PKHD1: variants seen among roughly 807,000 people sequenced by gnomAD.
PKHD1 encodes the protein PKHD1 ciliary IPT domain containing fibrocystin/polyductin, also known as fibrocystin.
PKHD1 carries 291 observed loss-of-function variants against 412.0 expected under a neutral mutation model. The ratio of observed to expected loss-of-function variants is 0.71; its 90% confidence interval spans 0.64 to 0.78. The LOEUF (loss-of-function observed/expected upper bound fraction) is 0.78, where lower values mean the gene tolerates loss of function less well. Ranked by LOEUF, PKHD1 falls within the 30% of genes least tolerant of loss-of-function variation. PKHD1 has a pLI of 0.00. For missense variants in PKHD1, 4,825 were observed against 4,950.7 expected (o/e 0.97, Z 0.76); for synonymous variants, 1,777 against 1,821.5 (o/e 0.98, Z 0.62).
intron 65 of PKHD1, among the ~76,000 whole-genome samples, chr6:51,631,134 G>C (rs748689757): frequency 3.3e-5 from 5 of 152,086 alleles, no homozygotes; most frequent in Non-Finnish European, 7.4e-5. Context: ...ATGGCTACTA[G>C]GTTTAGATAC....
chr6:51,772,824 A>C (rs779670350), intron 54 of PKHD1, 35 bp from the exon 55 acceptor site: 5 of 1,203,156 alleles, frequency 4.2e-6, no homozygotes, highest in Non-Finnish European at 6.2e-6. Flanking sequence ...GGATAGAAAA[A>C]TCCTTCAGAG....
In PKHD1 at chr6:51,627,042, G is replaced by A. The variant is rs761704401; in HGVS notation, c.11740C>T (p.Arg3914Ter). Residue 3914 changes from arginine (R) to a stop codon, truncating the protein, a stop_gained, in exon 66 of 67, where the codon CGA becomes TGA. Coordinates refer to ENST00000371117, the MANE Select transcript of PKHD1 (RefSeq NM_138694.4). LOFTEE classifies it low-confidence loss of function (END_TRUNC). ...NIHIHISSKR[R>*]ESQGPKKEDT... is the part of the protein sequence containing the mutation. ...TCTTTTTTGGGCCCTTGTGATTCTC[G>A]GCGTTTGGATGAGATGTGGATATGA... 17 of 1,612,942 alleles carry A rather than the reference G, an allele frequency of 1.1e-5. No individual in the cohort carries two copies. In the East Asian group the frequency reaches 1.1e-4, roughly 11 times the overall value.
intron 52 of PKHD1, among the ~76,000 whole-genome samples, chr6:51,796,394 T>C (rs1794599729): frequency 6.6e-6 from 1 of 151,596 alleles, no homozygotes; most frequent in Admixed American, 6.6e-5. Flanking sequence ...AATCTTCTCT[T>C]TCTTCTTTAT....
chr6:51,848,680 C>T (rs539352769), intron 49 of PKHD1, among the ~76,000 whole-genome samples: 8 of 152,276 alleles, frequency 5.3e-5, no homozygotes, highest in African/African-American at 1.9e-4. Context: ...TACATCCTTT[C>T]TGAAAGCCAT....
At chr6:52,051,501 G>A (rs1373186570) in intron 21 of PKHD1, among the ~76,000 whole-genome samples, 1 of 152,146 alleles carries the variant, frequency 6.6e-6, no homozygotes, top group Non-Finnish European at 1.5e-5. Context: ...GATAAAGTGG[G>A]AGGCAGACCG....
intron 60 of PKHD1, among the ~76,000 whole-genome samples, chr6:51,714,736 G>T (rs2150782363): frequency 6.6e-6 from 1 of 152,232 alleles, no homozygotes; most frequent in African/African-American, 2.4e-5. Context: ...TACACAGGCA[G>T]AGCCAGAACT....
At chr6:52,069,129 T>G (rs1230595530) in intron 11 of PKHD1, among the ~76,000 whole-genome samples, 1 of 152,226 alleles carries the variant, frequency 6.6e-6, no homozygotes, top group East Asian at 1.9e-4. Context: ...TTAAAGTAAC[T>G]GGAAAGATGT....
chr6:51,986,267 G>A (rs1352103243), intron 35 of PKHD1, among the ~76,000 whole-genome samples: 1 of 152,186 alleles, frequency 6.6e-6, no homozygotes, highest in Non-Finnish European at 1.5e-5. Flanking sequence ...GAAATGAAGG[G>A]GAGAGGTGGG....
At chr6:51,943,961 T>C (rs1350457712) in intron 36 of PKHD1, among the ~76,000 whole-genome samples, 1 of 151,630 alleles carries the variant, frequency 6.6e-6, no homozygotes, top group Non-Finnish European at 1.5e-5. Flanking sequence ...TTATTTTTCT[T>C]ATTAATATAA....
chr6:51,978,878 G>A (rs1794786581), intron 35 of PKHD1, among the ~76,000 whole-genome samples: 1 of 152,222 alleles, frequency 6.6e-6, no homozygotes, highest in Non-Finnish European at 1.5e-5. Flanking sequence ...GAAGGAGAAA[G>A]TGTCTCAACT....
chr6:51,848,270 T>C lies in PKHD1; in HGVS notation c.7912-300A>G, dbSNP rs1202504316. Among the ~76,000 whole-genome samples, 4 of 152,178 alleles carry C rather than the reference T, an allele frequency of 2.6e-5. No homozygotes were observed. The East Asian group carries it at 7.7e-4, about 29-fold the overall frequency. The stretch of plus-strand genomic sequence containing the variant: ...AGGAGAAAGCCAAGGCCCAGACATA[T>C]GAATTGACACGTCTCAGGTCAAACA... On this transcript the variant is annotated intron_variant, in intron 49 of 66. Transcript: ENST00000371117.
At position 51,617,210 on chromosome 6, in the gene PKHD1, T is replaced by C. The variant is rs1766143868; in HGVS notation, c.*1871A>G. 1 of 152,298 alleles carries C rather than the reference T, an allele frequency of 6.6e-6. No homozygotes were observed. The highest frequency in any genetic ancestry group is 6.5e-5 in the Admixed American group (1 of 15,280). 9.4% of individuals were successfully genotyped at this position (152,298 alleles called of 1,614,324 possible). On this transcript the variant is annotated 3_prime_UTR_variant, in exon 67 of 67. Coordinates refer to ENST00000371117, the MANE Select transcript of PKHD1 (RefSeq NM_138694.4). ...TCAAAAGCCTTCACTTCTGAAATGT[T>C]TTTTTCCAAAAAGCTTACGGCTCTT...
At chr6:51,749,495 C>A (rs989194611) in intron 57 of PKHD1, among the ~76,000 whole-genome samples, 2 of 152,054 alleles carry the variant, frequency 1.3e-5, no homozygotes, top group Non-Finnish European at 2.9e-5. Flanking sequence ...TTAATAATAA[C>A]ATGATTATAG....
intron 60 of PKHD1, among the ~76,000 whole-genome samples, chr6:51,720,468 G>T (rs1355045565): frequency 6.6e-6 from 1 of 152,086 alleles, no homozygotes; most frequent in African/African-American, 2.4e-5. Flanking sequence ...CTTACTTGGG[G>T]TTTCCACACA....
rs1057516577 is a variant in PKHD1 at position 51,747,898 on chromosome 6, G to A, written c.9718C>T (p.Arg3240Ter). The change falls in exon 58 of 67, where the codon CGA (arginine) becomes TGA (stop). Residue 3240 changes from arginine (R) to a stop codon, truncating the protein, a stop_gained. Coordinates refer to ENST00000371117, the MANE Select transcript of PKHD1 (RefSeq NM_138694.4). LOFTEE classifies it high-confidence loss of function. Reference protein sequence around the residue: ...DRAPSNPRGGRIGILWPVFTS... With the variant: ...DRAPSNPRGG ...AATACAGGCCACAGAATACCAATTC[G>A]ACCTCCTCTTGGATTGGAGGGAGCT... 5.0e-6 allele frequency: 8 copies of A among 1,613,856 alleles called. No individual in the cohort carries two copies. Among genetic ancestry groups the A allele is most frequent in the Non-Finnish European group, 6.8e-6 (8 of 1,179,844 alleles).
chr6:51,737,957 A>T (rs564093131), intron 60 of PKHD1, among the ~76,000 whole-genome samples: 47 of 152,344 alleles, frequency 3.1e-4, no homozygotes, highest in Non-Finnish European at 4.6e-4. Flanking sequence ...GTAATAATTT[A>T]AAAAAATACA....
intron 35 of PKHD1, among the ~76,000 whole-genome samples, chr6:52,009,578 T>C (rs562055070): frequency 6.6e-6 from 1 of 152,238 alleles, no homozygotes; most frequent in Admixed American, 6.5e-5. Flanking sequence ...TCAATAAATA[T>C]TATTTTTTAT....
intron 60 of PKHD1, among the ~76,000 whole-genome samples, chr6:51,708,615 A>G (rs1385433892): frequency 3.3e-5 from 5 of 152,144 alleles, no homozygotes; most frequent in Admixed American, 6.5e-5. Flanking sequence ...ACTTCTTTTC[A>G]TTTGTTAAAG....
rs2150334807 is a variant in PKHD1 at position 51,640,158 on chromosome 6, A to G, written c.11399-1202T>C. On this transcript the variant is annotated intron_variant, in intron 63 of 66. Transcript: ENST00000371117. Reference sequence around the variant, plus strand: ...GCAAACAATGAACTGAAGAGTACAGATGTTCAACATGAAATCATTTGCTGC... The same window carrying G: ...GCAAACAATGAACTGAAGAGTACAGGTGTTCAACATGAAATCATTTGCTGC... Among the ~76,000 whole-genome samples the G allele has an allele frequency of 2.0e-5, 3 of 152,358 alleles. No individual in the cohort carries two copies. In the Middle Eastern group the frequency reaches 0.01, roughly 518 times the overall value.
Sources: allele counts gnomAD v4.1 joint callset (sites outside exome capture counted in the v4.1 genomes callset), GRCh38; gene constraint gnomAD v4.1.1; transcripts MANE v1.5; gene names NCBI Gene and HGNC (gene_info 2026-07-23, HGNC 2026-07-21).